The following CYBB variants were observed in gnomAD, a reference collection of about 807,000 sequenced individuals.
CYBB encodes the protein NADPH oxidase 2.
CYBB carries 5 observed loss-of-function variants against 46.5 expected under a neutral mutation model. That is an observed-to-expected ratio of 0.11 (90% confidence interval 0.06 to 0.23). CYBB has a LOEUF of 0.23. Among genes scored for constraint, CYBB ranks in the 10% least tolerant of loss-of-function variants. The pLI, the probability that CYBB is intolerant of heterozygous loss-of-function variation, is 1.00. For synonymous variants in CYBB, 183 were observed against 156.7 expected (o/e 1.17, Z -1.26); for missense variants, 307 against 428.3 (o/e 0.72, Z 2.50).
intron 7 of CYBB, 61 bp from the exon 8 acceptor site, chrX:37,801,195 G>A: frequency 1.2e-6 from 1 of 827,559 alleles, no homozygotes; most frequent in East Asian, 3.1e-5. Context: ...TTCTCCCTCT[G>A]AATATTTTGT....
Position 37,811,053 on chromosome X carries a change from T to G in CYBB, c.*136T>G. On this transcript the variant is annotated 3_prime_UTR_variant, in exon 13 of 13. Transcript: ENST00000378588. ...ATGTAATGGTTTTCCCTTAAAGGAA[T>G]GTCAAAGATTGTTTGATAGTGATAA... 1.7e-6 allele frequency: 1 copy of G among 594,913 alleles called. No individual in the cohort carries two copies. Among genetic ancestry groups the G allele is most frequent in the Non-Finnish European group, 2.6e-6 (1 of 382,172 alleles). The allele number at this position is 594,913 out of a possible 1,213,427, so 49.0% of individuals were successfully genotyped here. A position where few individuals can be genotyped will look rare whatever the true frequency, so the allele number is the denominator to read the frequency against.
At chrX:37,809,747 C>G (rs1929633797) in intron 12 of CYBB, 56 bp downstream of exon 12, 1 of 1,152,812 alleles carries the variant, frequency 8.7e-7, no homozygotes, top group Non-Finnish European at 1.2e-6. Flanking sequence ...AAAGCGGCAG[C>G]CCCTATACAT....
chrX:37,782,102 G>A lies in CYBB; in HGVS notation c.60G>A (p.Gly20=), dbSNP rs782225178. The A allele has an allele frequency of 5.8e-6, 7 of 1,209,477 alleles. No individual in the cohort carries two copies. In the South Asian group the frequency reaches 7.0e-5, roughly 12 times the overall value. ...LSIFVILVWL[G]LNVFLFVWYY... ...TGTTTGTGCAGCTGGTTTGGCTGGG[G>A]TTGAACGTCTTCCTCTTTGTCTGGT... The change falls in exon 2 of 13, where the codon GGG becomes GGA. Residue 20 remains glycine (G), a synonymous_variant. Transcript: ENST00000378588.
At chrX:37,791,673 T>A (rs1312617440) in intron 3 of CYBB, among the ~76,000 whole-genome samples, 3 of 112,011 alleles carry the variant, frequency 2.7e-5, no homozygotes, top group Admixed American at 9.4e-5. Flanking sequence ...TAGATATGTT[T>A]TTTGTACAAG....
chrX:37,811,650 G>T lies in CYBB; in HGVS notation c.*733G>T, dbSNP rs1327078766. 1 of 112,127 alleles carries T rather than the reference G, an allele frequency of 8.9e-6. No individual in the cohort carries two copies. The highest frequency in any genetic ancestry group is 1.9e-5 in the Non-Finnish European group (1 of 53,191). The allele number at this position is 112,127 out of a possible 1,213,427, so 9.2% of individuals were successfully genotyped here. The stretch of plus-strand genomic sequence containing the variant: ...CTCAAGTAAGTTTTGTTAAATGAAT[G>T]AATGAATTTAGAACCACACAATGCC... On this transcript the variant is annotated 3_prime_UTR_variant, in exon 13 of 13. Coordinates refer to ENST00000378588, the MANE Select transcript of CYBB (RefSeq NM_000397.4).
Position 37,793,825 on chromosome X carries a change from A to G in CYBB, c.483+15A>G. The G allele has an allele frequency of 8.4e-7, 1 of 1,193,442 alleles. No individual in the cohort carries two copies. Among genetic ancestry groups the G allele is most frequent in the Non-Finnish European group, 1.1e-6 (1 of 882,829 alleles). On this transcript the variant is annotated intron_variant, in intron 5 of 12. Transcript: ENST00000378588. ...AGAGAATAAAGGTAAGCCTCTCATT[A>G]TCTGACTTAGATATTCTCTAGGCCA...
chrX:37,801,201 T>G (rs1929430110), intron 7 of CYBB, 55 bp from the exon 8 acceptor site: 2 of 871,695 alleles, frequency 2.3e-6, no homozygotes, highest in Non-Finnish European at 3.4e-6. Flanking sequence ...CTCTGAATAT[T>G]TTGTTATCTA....
At chrX:37,794,899 G>GA (rs1488480891) in intron 5 of CYBB, among the ~76,000 whole-genome samples, 4 of 111,718 alleles carry the variant, frequency 3.6e-5, no homozygotes, top group Admixed American at 2.8e-4. Flanking sequence ...ACTTACATGA[G>GA]AAAAACTTGC....
At chrX:37,789,479 G>T (rs1183974295) in intron 3 of CYBB, among the ~76,000 whole-genome samples, 1 of 65,956 alleles carries the variant, frequency 1.5e-5, no homozygotes, top group Non-Finnish European at 3.3e-5. Context: ...AAGAAGGAAA[G>T]AAAGAAAGAA....
At chrX:37,800,760 A>T (rs1042345459) in intron 7 of CYBB, among the ~76,000 whole-genome samples, 3 of 112,162 alleles carry the variant, frequency 2.7e-5, no homozygotes, top group Non-Finnish European at 5.6e-5. Context: ...ATACTCCCAG[A>T]ATTTCTCAGA....
intron 3 of CYBB, among the ~76,000 whole-genome samples, chrX:37,789,570 C>A (rs1431487990): frequency 2.1e-5 from 2 of 94,526 alleles, no homozygotes; most frequent in Non-Finnish European, 4.5e-5. Context: ...AGGAACATGG[C>A]AATTGGGAAA....
chrX:37,793,286 T>G (rs1377468305), intron 4 of CYBB, among the ~76,000 whole-genome samples: 4 of 109,469 alleles, frequency 3.7e-5, no homozygotes, highest in African/African-American at 1.3e-4. Flanking sequence ...TTTTCTTGTT[T>G]GAGCCCAAAT....
At chrX:37,783,741 A>G (rs1184701895) in intron 3 of CYBB, 141 bp downstream of exon 3, 3 of 502,889 alleles carry the variant, frequency 6.0e-6, no homozygotes, top group Non-Finnish European at 1.1e-5. Context: ...ATTATCTAGT[A>G]TATTTCTGTG....
intron 5 of CYBB, among the ~76,000 whole-genome samples, chrX:37,795,017 A>T (rs781868418): frequency 1.8e-5 from 2 of 111,867 alleles, no homozygotes; most frequent in South Asian, 7.4e-4. Context: ...CCAATGATAT[A>T]TGAGGGTGGC....
chrX:37,801,243 G>C lies in CYBB; in HGVS notation c.805-13G>C, dbSNP rs1466831795. On this transcript the variant is annotated splice_polypyrimidine_tract_variant and intron_variant, in intron 7 of 12. Transcript: ENST00000378588. ...CTTAATGTATCTCATTTTCATTTTT[G>C]CTCTGATTACAGACTTGGAAATGGA... is the stretch of plus-strand genomic sequence containing the variant. The C allele has an allele frequency of 8.7e-7, 1 of 1,148,491 alleles. No individual in the cohort carries two copies. Among genetic ancestry groups the C allele is most frequent in the Non-Finnish European group, 1.2e-6 (1 of 838,677 alleles). The allele number at this position is 1,148,491 out of a possible 1,213,427, so 94.6% of individuals were successfully genotyped here. A position where few individuals can be genotyped will look rare whatever the true frequency, so the allele number is the denominator to read the frequency against.
chrX:37,792,162 T>C, intron 4 of CYBB, 103 bp downstream of exon 4: 2 of 542,169 alleles, frequency 3.7e-6, no homozygotes, highest in Middle Eastern at 3.3e-4. Flanking sequence ...TAAGTGGTGG[T>C]TGGATATGTT....
chrX:37,784,206 A>G, intron 3 of CYBB, among the ~76,000 whole-genome samples: 1 of 112,203 alleles, frequency 8.9e-6, no homozygotes, highest in South Asian at 3.6e-4. Context: ...AACCCATAAA[A>G]TGGTATACAA....
intron 6 of CYBB, 90 bp from the exon 7 acceptor site, chrX:37,798,865 A>C: frequency 1.0e-6 from 1 of 962,510 alleles, no homozygotes; most frequent in East Asian, 3.4e-5. Context: ...CAGGGCCTAC[A>C]TCAGAGCACT....
At chrX:37,806,581 C>G (rs781890659) in intron 11 of CYBB, 48 bp downstream of exon 11, 1 of 1,121,228 alleles carries the variant, frequency 8.9e-7, no homozygotes, top group South Asian at 1.9e-5. Context: ...GTGTACAGGG[C>G]TTACGAACTT....
Sources: allele counts gnomAD v4.1 joint callset (sites outside exome capture counted in the v4.1 genomes callset), GRCh38; gene constraint gnomAD v4.1.1; transcripts MANE v1.5; gene names NCBI Gene and HGNC (gene_info 2026-07-23, HGNC 2026-07-21).